Variants in LRRC28 observed in about 807,000 individuals in gnomAD.
LRRC28 encodes leucine-rich repeat-containing protein 28.
Under a neutral mutation model 45.7 loss-of-function variants are expected in LRRC28, and 39 were observed. The ratio of observed to expected loss-of-function variants is 0.85; its 90% CI spans 0.66 to 1.12. The LOEUF is 1.12. LRRC28 is among the 50% of genes most tolerant of loss of function. The probability of loss-of-function intolerance (pLI) is 0.00; values close to 1 mark genes in which losing one functional copy is unlikely to be tolerated. For missense variants in LRRC28, 435 were observed against 438.5 expected (o/e 0.99, Z 0.07); for synonymous variants, 206 against 178.8 (o/e 1.15, Z -1.22).
intron 2 of LRRC28, among the ~76,000 whole-genome samples, chr15:99,272,366 T>C (rs1006946203): frequency 7.2e-5 from 11 of 152,210 alleles, no homozygotes; most frequent in African/African-American, 2.7e-4. Flanking sequence ...CAAGGCTTCC[T>C]CTTTGGCTTA....
chr15:99,256,732 T>C (rs1039930303), intron 2 of LRRC28, among the ~76,000 whole-genome samples: 4 of 152,244 alleles, frequency 2.6e-5, no homozygotes, highest in Non-Finnish European at 4.4e-5. Context: ...CTTTTTATGT[T>C]CTAAGAATAA....
chr15:99,288,043 T>A lies in LRRC28; in HGVS notation c.385+92T>A, dbSNP rs1358870407. On this transcript the variant is annotated intron_variant, in intron 5 of 9. Transcript: ENST00000301981. The stretch of plus-strand genomic sequence containing the variant: ...CTATGTCTAGGCAATGAGCTGTAGA[T>A]GTATTTATAAGTATTTGTCCATTTG... The A allele has an allele frequency of 4.8e-6, 6 of 1,242,952 alleles. No individual in the cohort carries two copies. The East Asian group carries it at 1.3e-4, about 27-fold the overall frequency. The allele number at this position is 1,242,952 out of a possible 1,614,324, so 77.0% of individuals were successfully genotyped here.
intron 5 of LRRC28, among the ~76,000 whole-genome samples, chr15:99,321,924 A>G (rs2152278509): frequency 6.6e-6 from 1 of 152,322 alleles, no homozygotes; most frequent in South Asian, 2.1e-4. Flanking sequence ...CAGGGAGGGA[A>G]TAAATAGGAT....
chr15:99,258,814 A>G (rs1217011671), intron 2 of LRRC28: 23 of 697,370 alleles, frequency 3.3e-5, no homozygotes, highest in Non-Finnish European at 6.3e-5. Context: ...TATTTGATGA[A>G]TATGGATCTA....
At chr15:99,276,744 G>A in intron 3 of LRRC28, 128 bp downstream of exon 3, 2 of 621,138 alleles carry the variant, frequency 3.2e-6, no homozygotes, top group South Asian at 3.7e-5. Flanking sequence ...TGGTACTCAT[G>A]TAGGTAGACC....
chr15:99,258,370 C>G, intron 2 of LRRC28: 3 of 1,209,706 alleles, frequency 2.5e-6, no homozygotes, highest in Non-Finnish European at 3.7e-6. Context: ...TTACCCTTGT[C>G]TTAAAAGAAA....
intron 3 of LRRC28, among the ~76,000 whole-genome samples, chr15:99,276,864 G>C (rs918252085): frequency 6.6e-6 from 1 of 152,048 alleles, no homozygotes; most frequent in South Asian, 2.1e-4. Flanking sequence ...CTTTTCTCTG[G>C]GTATAGTGTC....
intron 2 of LRRC28, among the ~76,000 whole-genome samples, chr15:99,270,840 G>A (rs1390024474): frequency 6.6e-6 from 1 of 152,156 alleles, no homozygotes; most frequent in African/African-American, 2.4e-5. Flanking sequence ...CTTTTGAGGA[G>A]CCACCAAAAA....
At chr15:99,352,810 C>T (rs939955295) in intron 7 of LRRC28, among the ~76,000 whole-genome samples, 15 of 152,072 alleles carry the variant, frequency 9.9e-5, no homozygotes, top group South Asian at 2.1e-4. Context: ...CCACACATAC[C>T]GTTATAAACT....
chr15:99,252,098 C>T (rs1384371948), intron 1 of LRRC28: 1 of 152,032 alleles, frequency 6.6e-6, no homozygotes, highest in Non-Finnish European at 1.5e-5. Context: ...TTGGTGTTCA[C>T]CTGTCAGAAA....
chr15:99,359,636 A>G (rs1957143738), intron 7 of LRRC28, among the ~76,000 whole-genome samples: 1 of 152,210 alleles, frequency 6.6e-6, no homozygotes, highest in Non-Finnish European at 1.5e-5. Context: ...GAATTTTACT[A>G]TAATAAAAAC....
intron 2 of LRRC28, chr15:99,257,665 T>C: frequency 1.4e-6 from 1 of 739,758 alleles, no homozygotes; most frequent in South Asian, 1.4e-5. Flanking sequence ...CTCTGCTGCG[T>C]CCTGCTGACC....
At position 99,267,272 on chromosome 15, in the gene LRRC28, C is replaced by G. The variant is rs1258709358; in HGVS notation, c.169-9304C>G. ...AGTCACACAACTATATCCGCCACCCCCTCCTTGAATTTGGTAGTAGTAGGA... is the reference window on the plus strand; with the variant it reads ...AGTCACACAACTATATCCGCCACCCGCTCCTTGAATTTGGTAGTAGTAGGA... On this transcript the variant is annotated intron_variant, in intron 2 of 9. Coordinates refer to ENST00000301981, the MANE Select transcript of LRRC28 (RefSeq NM_144598.5). Among the ~76,000 whole-genome samples the G allele has an allele frequency of 2.6e-4, 39 of 152,090 alleles. 1 individual carries two copies. Among genetic ancestry groups the G allele is most frequent in the Admixed American group, 2.6e-3 (39 of 15,268 alleles).
intron 2 of LRRC28, chr15:99,257,793 G>T: frequency 1.3e-6 from 1 of 780,218 alleles, no homozygotes; most frequent in East Asian, 2.4e-5. Context: ...AGAGGAAGAA[G>T]CTATTCAGTT....
At chr15:99,319,487 C>G (rs1443247529) in intron 5 of LRRC28, among the ~76,000 whole-genome samples, 1 of 151,970 alleles carries the variant, frequency 6.6e-6, no homozygotes, top group Non-Finnish European at 1.5e-5. Flanking sequence ...TGCCATTTCT[C>G]TCTAGCAGTT....
At chr15:99,320,668 C>T (rs1255620223) in intron 5 of LRRC28, 3 of 152,108 alleles carry the variant, frequency 2.0e-5, no homozygotes, top group Admixed American at 1.3e-4. Context: ...AAGCAGTCAC[C>T]CCTTCAGACT....
At chr15:99,363,308 G>T (rs769661020) in intron 9 of LRRC28, 43 bp downstream of exon 9, 1 of 1,603,666 alleles carries the variant, frequency 6.2e-7, no homozygotes, top group Non-Finnish European at 8.5e-7. Context: ...ACCCAGGCAA[G>T]GGGTGGCAGG....
chr15:99,302,985 G>A (rs1955038351), intron 5 of LRRC28, among the ~76,000 whole-genome samples: 1 of 152,142 alleles, frequency 6.6e-6, no homozygotes, highest in Admixed American at 6.5e-5. Flanking sequence ...GCTTTTTGTA[G>A]GCATATGTTT....
Position 99,287,948 on chromosome 15 carries a change from C to G in LRRC28, c.382C>G (p.Pro128Ala), listed in dbSNP as rs1436521154. The G allele has an allele frequency of 5.0e-6, 8 of 1,613,004 alleles. No homozygotes were observed. The African/African-American group carries it at 5.3e-5, about 11-fold the overall frequency. ...LANNQLQFLP[P>A]EVGDLKELQT... ...TAATAACCAACTGCAATTCCTACCT[C>G]CAGGTAATCATAGTCTCTAGCACAC... The change falls in exon 5 of 10, where the codon CCA becomes GCA. Residue 128 changes from proline to alanine, a missense_variant. Pro to Ala is a conservative substitution (Grantham distance 27). Transcript: ENST00000301981.
Sources: gnomAD v4.1 joint callset for allele counts (sites outside exome capture counted in the v4.1 genomes callset) on GRCh38, gnomAD v4.1.1 for gene constraint, MANE v1.5 for transcripts, NCBI Gene and HGNC (gene_info 2026-07-23, HGNC 2026-07-21) for gene names.